MEOX2: variants seen among roughly 807,000 people sequenced by gnomAD.
MEOX2 encodes homeobox protein MOX-2.
In MEOX2, 11 loss-of-function variants were observed where a neutral mutation model predicts 27.0. The ratio of observed to expected loss-of-function variants is 0.41; its 90% CI spans 0.26 to 0.68. The LOEUF (loss-of-function observed/expected upper bound fraction) is 0.68, where lower values mean the gene tolerates loss of function less well. Ranked by LOEUF, MEOX2 falls within the 30% of genes least tolerant of loss-of-function variation. The pLI is 0.33. For synonymous variants in MEOX2, 189 were observed against 155.4 expected, an observed-to-expected ratio of 1.22 and a Z score of -1.61; for missense variants, 436 against 385.4, an observed-to-expected ratio of 1.13 and a Z score of -1.10.
chr7:15,627,040 G>A, intron 1 of MEOX2, 122 bp from the exon 2 acceptor site: 4 of 881,364 alleles, frequency 4.5e-6, no homozygotes, highest in Non-Finnish European at 6.8e-6. Context: ...AACAAATAGA[G>A]ACCAAAGACA....
intron 2 of MEOX2, among the ~76,000 whole-genome samples, chr7:15,624,345 A>G (rs1781264476): frequency 6.6e-6 from 1 of 152,184 alleles, no homozygotes; most frequent in Non-Finnish European, 1.5e-5. Context: ...TGAAAACTGA[A>G]CTATCTCTCA....
intron 1 of MEOX2, among the ~76,000 whole-genome samples, chr7:15,660,180 T>C (rs1337990969): frequency 6.6e-6 from 1 of 152,000 alleles, no homozygotes; most frequent in Admixed American, 6.6e-5. Flanking sequence ...CCAAAGGAAA[T>C]AGCAAGAACA....
At chr7:15,647,066 T>A (rs192338091) in intron 1 of MEOX2, among the ~76,000 whole-genome samples, 4 of 152,196 alleles carry the variant, frequency 2.6e-5, no homozygotes, top group Admixed American at 2.6e-4. Flanking sequence ...TTTTGTTTGA[T>A]GCTCATAAGA....
chr7:15,646,957 T>C (rs1170328130), intron 1 of MEOX2, among the ~76,000 whole-genome samples: 2 of 152,008 alleles, frequency 1.3e-5, no homozygotes, highest in Non-Finnish European at 2.9e-5. Context: ...TACAGTATTA[T>C]CTACACATCC....
chr7:15,659,674 G>C (rs917701955), intron 1 of MEOX2, among the ~76,000 whole-genome samples: 1 of 151,038 alleles, frequency 6.6e-6, no homozygotes, highest in East Asian at 2.0e-4. Context: ...GCAGGAGAAT[G>C]GCGTGAACCC....
chr7:15,652,279 G>C (rs1781743855), intron 1 of MEOX2, among the ~76,000 whole-genome samples: 1 of 152,004 alleles, frequency 6.6e-6, no homozygotes, highest in Non-Finnish European at 1.5e-5. Context: ...CTGTCATAAA[G>C]TAGAAAATGC....
At chr7:15,613,481 A>T (rs1781067042) in intron 2 of MEOX2, among the ~76,000 whole-genome samples, 1 of 151,872 alleles carries the variant, frequency 6.6e-6, no homozygotes, top group Non-Finnish European at 1.5e-5. Flanking sequence ...TTTAGGAGGA[A>T]ATCTGTTTCT....
chr7:15,656,831 C>A lies in MEOX2; in HGVS notation c.517+29055G>T, dbSNP rs1282915522. ...TCTAAGATTACTTCCTTTATCATTTCTTTTTTGTCCAAAAAAAAAATTCTT... is the reference window on the plus strand; with the variant it reads ...TCTAAGATTACTTCCTTTATCATTTATTTTTTGTCCAAAAAAAAAATTCTT... On this transcript the variant is annotated intron_variant, in intron 1 of 2. Coordinates refer to ENST00000262041, the MANE Select transcript of MEOX2 (RefSeq NM_005924.5). Among the ~76,000 whole-genome samples, 6 of 151,664 alleles carry A rather than the reference C, an allele frequency of 4.0e-5. No homozygotes were observed. In the South Asian group the frequency reaches 1.2e-3, roughly 32 times the overall value.
chr7:15,672,114 AAAAC>A (rs1583787660), intron 1 of MEOX2, among the ~76,000 whole-genome samples: 1 of 152,116 alleles, frequency 6.6e-6, no homozygotes, highest in Admixed American at 6.6e-5. Context: ...AAAAAACAAA[AAAAC>A]AAAGTGATCA....
At chr7:15,658,593 A>G (rs1014395377) in intron 1 of MEOX2, among the ~76,000 whole-genome samples, 1 of 152,180 alleles carries the variant, frequency 6.6e-6, no homozygotes, top group African/African-American at 2.4e-5. Context: ...AAAAGTTTGT[A>G]TCTTCCCCCA....
intron 1 of MEOX2, among the ~76,000 whole-genome samples, chr7:15,650,317 T>A (rs993482089): frequency 6.6e-6 from 1 of 152,090 alleles, no homozygotes; most frequent in African/African-American, 2.4e-5. Context: ...CAATGTTCTG[T>A]GTAATTTTCC....
At chr7:15,663,184 T>A (rs1460885444) in intron 1 of MEOX2, among the ~76,000 whole-genome samples, 1 of 152,190 alleles carries the variant, frequency 6.6e-6, no homozygotes, top group African/African-American at 2.4e-5. Flanking sequence ...CATTTTATTT[T>A]AAAAATATCA....
chr7:15,647,789 TA>T (rs1446376887), intron 1 of MEOX2, among the ~76,000 whole-genome samples: 1 of 151,998 alleles, frequency 6.6e-6, no homozygotes, highest in Non-Finnish European at 1.5e-5. Flanking sequence ...AATAAAAGAG[TA>T]GGACTTTTAA....
intron 1 of MEOX2, among the ~76,000 whole-genome samples, chr7:15,660,123 A>C (rs1781888619): frequency 6.6e-6 from 1 of 152,222 alleles, no homozygotes; most frequent in African/African-American, 2.4e-5. Context: ...ACTAGATCTT[A>C]AAGAATGAGT....
intron 1 of MEOX2, among the ~76,000 whole-genome samples, chr7:15,670,200 A>T (rs568275564): frequency 6.6e-6 from 1 of 152,314 alleles, no homozygotes; most frequent in African/African-American, 2.4e-5. Context: ...CATATCTTAC[A>T]CATGTGCATT....
chr7:15,644,373 T>C (rs1431184524), intron 1 of MEOX2, among the ~76,000 whole-genome samples: 1 of 152,216 alleles, frequency 6.6e-6, no homozygotes, highest in Non-Finnish European at 1.5e-5. Flanking sequence ...GGAGTTTCCC[T>C]CTTTTACCCC....
chr7:15,685,898 T>C lies in MEOX2; in HGVS notation c.505A>G (p.Ser169Gly). The change falls in exon 1 of 3, where the codon AGC becomes GGC. Residue 169 changes from serine (S) to glycine (G), a missense_variant. Ser to Gly is a moderately conservative substitution (Grantham distance 56). Transcript: ENST00000262041. ...AEKRSGGKRK[S>G]DSSDSQEGNY... Reference sequence around the variant, plus strand: ...GGCGCGCCCTTACCTGAGCTGTCGCTTTTCCTCTTGCCGCCGCTTCGCTTC... The same window carrying C: ...GGCGCGCCCTTACCTGAGCTGTCGCCTTTCCTCTTGCCGCCGCTTCGCTTC... The C allele has an allele frequency of 6.2e-7, 1 of 1,601,986 alleles. No individual in the cohort carries two copies. The highest frequency in any genetic ancestry group is 8.5e-7 in the Non-Finnish European group (1 of 1,174,980).
chr7:15,651,556 T>C (rs1384675638), intron 1 of MEOX2, among the ~76,000 whole-genome samples: 1 of 151,958 alleles, frequency 6.6e-6, no homozygotes. Flanking sequence ...GCACCTACAT[T>C]TATTTACACA....
chr7:15,638,261 T>A (rs1354609056), intron 1 of MEOX2, among the ~76,000 whole-genome samples: 1 of 152,154 alleles, frequency 6.6e-6, no homozygotes, highest in Non-Finnish European at 1.5e-5. Context: ...CTTTTATTTC[T>A]TTCATGTTTT....
Sources: gnomAD v4.1 joint callset for allele counts (sites outside exome capture counted in the v4.1 genomes callset) on GRCh38, gnomAD v4.1.1 for gene constraint, MANE v1.5 for transcripts, NCBI Gene and HGNC (gene_info 2026-07-23, HGNC 2026-07-21) for gene names.